The following MBOAT7 variants were observed in gnomAD, a reference collection of about 807,000 sequenced individuals.
The protein encoded by MBOAT7 is membrane bound acylglycerophosphatidylinositol O-acyltransferase MBOAT7.
Under a neutral mutation model 47.4 loss-of-function variants are expected in MBOAT7, and 40 were observed. The observed-to-expected ratio is 0.84, with a 90% CI of 0.66 to 1.10. The LOEUF is 1.10. Ranked by LOEUF, MBOAT7 falls within the 50% of genes least tolerant of loss-of-function variation. The pLI, the probability that MBOAT7 is intolerant of heterozygous loss-of-function variation, is 0.00. For missense variants in MBOAT7, 680 were observed against 655.6 expected (o/e 1.04, Z -0.41); for synonymous variants, 361 against 292.0 (o/e 1.24, Z -2.41).
Position 54,174,143 on chromosome 19 carries a change from G to T in MBOAT7, c.1320C>A (p.Ala440=), listed in dbSNP as rs756463106. The T allele has an allele frequency of 6.3e-7, 1 of 1,599,090 alleles. No individual in the cohort carries two copies. The highest frequency in any genetic ancestry group is 1.1e-5 in the South Asian group (1 of 89,602). The part of the protein sequence containing the change: ...YFCIHFLALA[A]LGLGLALGGG... ...CACCTAAAGCCAGCCCCAGCCCCAGGGCTGCCAGGGCCAGGAAGTGGATAC... is the reference window on the plus strand; with the variant it reads ...CACCTAAAGCCAGCCCCAGCCCCAGTGCTGCCAGGGCCAGGAAGTGGATAC... Residue 440 remains alanine, a synonymous_variant, in exon 8 of 8, where the codon GCC becomes GCA. Transcript: ENST00000245615.
At chr19:54,184,404 C>T (rs2076374702) in intron 4 of MBOAT7, among the ~76,000 whole-genome samples, 1 of 152,128 alleles carries the variant, frequency 6.6e-6, no homozygotes, top group African/African-American at 2.4e-5. Context: ...GTACTCTCCA[C>T]CCTTTCCCAC....
chr19:54,185,911 G>T (rs1230142113), intron 4 of MBOAT7, among the ~76,000 whole-genome samples: 2 of 151,938 alleles, frequency 1.3e-5, no homozygotes, highest in African/African-American at 4.8e-5. Context: ...GGCCAGGATG[G>T]TCTCAAACTC....
At position 54,178,865 on chromosome 19, in the gene MBOAT7, C is replaced by A; in HGVS notation, c.931G>T (p.Val311Leu). Residue 311 changes from valine (V) to leucine (L), a missense_variant, in exon 7 of 8, where the codon GTG becomes TTG. Val to Leu is a conservative substitution (Grantham distance 32, BLOSUM62 1). Coordinates refer to ENST00000245615, the MANE Select transcript of MBOAT7 (RefSeq NM_024298.5). ...NIDCYSTDFCVRVRDGMRYWN... is the reference protein window; with the variant it reads ...NIDCYSTDFCLRVRDGMRYWN... ...TACCGCATGCCATCGCGCACCCGCA[C>A]GCAGAAATCTGTGCTGTAGCAGTCG... 6.2e-7 allele frequency: 1 copy of A among 1,613,650 alleles called. No individual in the cohort carries two copies. Among genetic ancestry groups the A allele is most frequent in the Non-Finnish European group, 8.5e-7 (1 of 1,180,028 alleles).
rs1431828353 is a variant in MBOAT7, at chr19:54,173,981, G to C, written c.*63C>G. On this transcript the variant is annotated 3_prime_UTR_variant, in exon 8 of 8. Transcript: ENST00000245615. ...CCAAGGTAAGGACTCTTTCTGGGGA[G>C]GAGACAGCAGCCTGGTTCACAGAAT... The C allele has an allele frequency of 6.7e-7, 1 of 1,501,560 alleles. No homozygotes were observed. Among genetic ancestry groups the C allele is most frequent in the Non-Finnish European group, 8.9e-7 (1 of 1,125,974 alleles). 93.0% of individuals were successfully genotyped at this position (1,501,560 alleles called of 1,614,324 possible).
At chr19:54,188,373 C>G in intron 2 of MBOAT7, 27 bp from the exon 3 acceptor site, 1 of 1,608,490 alleles carries the variant, frequency 6.2e-7, no homozygotes, top group Non-Finnish European at 8.5e-7. Flanking sequence ...CAGCATAAGC[C>G]TGGAACCTTC....
Position 54,180,602 on chromosome 19 carries a change from T to G in MBOAT7, c.854+171A>C. The stretch of plus-strand genomic sequence containing the variant: ...GGCATCTGTCAGTACCAGGGATCTT[T>G]TCCCTACCGACAGGGGCTGGCAGGC... On this transcript the variant is annotated intron_variant, in intron 6 of 7. Transcript: ENST00000245615. The surrounding 1 kb of genome is among the most constrained non-coding windows in gnomAD (Gnocchi z 5.2). 1.6e-6 allele frequency: 1 copy of G among 635,114 alleles called. No individual in the cohort carries two copies. The highest frequency in any genetic ancestry group is 2.6e-6 in the Non-Finnish European group (1 of 378,216). The allele number at this position is 635,114 out of a possible 1,614,324, so 39.3% of individuals were successfully genotyped here. A position where few individuals can be genotyped will look rare whatever the true frequency, so the allele number is the denominator to read the frequency against.
Position 54,174,075 on chromosome 19 carries a change from C to T in MBOAT7, c.1388G>A (p.Ser463Asn). 1 of 1,605,702 alleles carries T rather than the reference C, an allele frequency of 6.2e-7. No individual in the cohort carries two copies. ...CTCCCGGAGCTTCTCCGGGGCAAGG[C>T]TGGTGGGCTGGGATGCTGCCTTCCG... ...SRRKAASQPT[S>N]LAPEKLREE is the part of the protein sequence containing the mutation. The change falls in exon 8 of 8, where the codon AGC (serine) becomes AAC (asparagine). Residue 463 changes from serine to asparagine, a missense_variant. Transcript: ENST00000245615.
At chr19:54,187,421 A>C in intron 3 of MBOAT7, 134 bp from the exon 4 acceptor site, 1 of 1,147,478 alleles carries the variant, frequency 8.7e-7, no homozygotes, top group Non-Finnish European at 1.2e-6. Context: ...AAGGGCAGAG[A>C]GGACAGGAGG....
At position 54,188,237 on chromosome 19, in the gene MBOAT7, G is replaced by C. The variant is rs2076509646; in HGVS notation, c.186C>G (p.Ala62=). The change falls in exon 3 of 8, where the codon GCC becomes GCG. Residue 62 remains alanine (A), a synonymous_variant. Coordinates refer to ENST00000245615, the MANE Select transcript of MBOAT7 (RefSeq NM_024298.5). ...HSLVTILGTW[A]LIQAQPCSCH... ...CTCACCAGGGCTGGGCCTGAATGAG[G>C]GCCCAGGTCCCGAGGATGGTGACCA... 3.1e-6 allele frequency: 5 copies of C among 1,613,156 alleles called. No homozygotes were observed. The highest frequency in any genetic ancestry group is 4.2e-6 in the Non-Finnish European group (5 of 1,179,578).
At position 54,188,242 on chromosome 19, in the gene MBOAT7, A is replaced by C; in HGVS notation, c.181T>G (p.Trp61Gly). 1 of 1,613,492 alleles carries C rather than the reference A, an allele frequency of 6.2e-7. No homozygotes were observed. Among genetic ancestry groups the C allele is most frequent in the Non-Finnish European group, 8.5e-7 (1 of 1,179,742 alleles). Residue 61 changes from tryptophan to glycine, a missense_variant, in exon 3 of 8, where the codon TGG (tryptophan) becomes GGG (glycine). By Grantham distance (184) the Trp-to-Gly change is radical. Coordinates refer to ENST00000245615, the MANE Select transcript of MBOAT7 (RefSeq NM_024298.5). The part of the protein sequence containing the change: ...LHSLVTILGT[W>G]ALIQAQPCSC... Reference sequence around the variant, plus strand: ...CAGGGCTGGGCCTGAATGAGGGCCCAGGTCCCGAGGATGGTGACCAGAGAA... The same window carrying C: ...CAGGGCTGGGCCTGAATGAGGGCCCCGGTCCCGAGGATGGTGACCAGAGAA...
rs2076196028 is a variant in MBOAT7, at chr19:54,179,021, C to T, written c.855-80G>A. 3.1e-5 allele frequency: 48 copies of T among 1,541,450 alleles called. No individual in the cohort carries two copies. In the South Asian group the frequency reaches 5.6e-4, roughly 18 times the overall value. ...TCCCGACGCCTGCTAGTGTCCCAGCCCCGGATGCTAAGGAAGGGATCCTGG... is the reference window on the plus strand; with the variant it reads ...TCCCGACGCCTGCTAGTGTCCCAGCTCCGGATGCTAAGGAAGGGATCCTGG... On this transcript the variant is annotated intron_variant, in intron 6 of 7. Coordinates refer to ENST00000245615, the MANE Select transcript of MBOAT7 (RefSeq NM_024298.5).
intron 7 of MBOAT7, among the ~76,000 whole-genome samples, chr19:54,175,121 G>A (rs989199607): frequency 6.6e-5 from 10 of 151,622 alleles, no homozygotes; most frequent in Non-Finnish European, 1.2e-4. Flanking sequence ...GACTACAGGC[G>A]CCTGCCACCA....
In MBOAT7 at chr19:54,188,365, G is replaced by C; in HGVS notation, c.77-19C>G. On this transcript the variant is annotated intron_variant, in intron 2 of 7. Transcript: ENST00000245615. ...CCAGGACCTGCAGGGGGAAGGGACAGCATAAGCCTGGAACCTTCCAGAGGG... is the reference window on the plus strand; with the variant it reads ...CCAGGACCTGCAGGGGGAAGGGACACCATAAGCCTGGAACCTTCCAGAGGG... The C allele has an allele frequency of 6.2e-7, 1 of 1,611,054 alleles. No homozygotes were observed. Among genetic ancestry groups the C allele is most frequent in the Non-Finnish European group, 8.5e-7 (1 of 1,178,490 alleles).
rs2076236116 is a variant in MBOAT7 at position 54,180,673 on chromosome 19, C to T, written c.854+100G>A. Reference sequence around the variant, plus strand: ...CACTCTGCTCAAAAAGGTGGTGGCCCTGGCCCCTTGCTCCCCGCTCTCCTC... The same window carrying T: ...CACTCTGCTCAAAAAGGTGGTGGCCTTGGCCCCTTGCTCCCCGCTCTCCTC... On this transcript the variant is annotated intron_variant, in intron 6 of 7. Transcript: ENST00000245615. This position sits in a 1 kb window ranked among gnomAD's most constrained non-coding sequence, Gnocchi z 5.2. The T allele has an allele frequency of 8.5e-7, 1 of 1,178,392 alleles. No individual in the cohort carries two copies. The highest frequency in any genetic ancestry group is 1.2e-6 in the Non-Finnish European group (1 of 868,068). The allele number at this position is 1,178,392 out of a possible 1,614,324, so 73.0% of individuals were successfully genotyped here. A position where few individuals can be genotyped will look rare whatever the true frequency, so the allele number is the denominator to read the frequency against.
Position 54,175,476 on chromosome 19 carries a change from A to G in MBOAT7, c.1032-1045T>C, listed in dbSNP as rs921215189. Among the ~76,000 whole-genome samples the G allele has an allele frequency of 1.8e-4, 27 of 152,146 alleles. 1 individual carries two copies. ...TTTGACAACTCCTGCCTGGCTCATG[A>G]AGATCCAGAAGTCCCTGGCCTGTGG... On this transcript the variant is annotated intron_variant, in intron 7 of 7. Coordinates refer to ENST00000245615, the MANE Select transcript of MBOAT7 (RefSeq NM_024298.5).
At chr19:54,182,244 GA>G (rs146890052) in intron 5 of MBOAT7, among the ~76,000 whole-genome samples, 144 of 145,244 alleles carry the variant, frequency 9.9e-4, no homozygotes, top group East Asian at 7.7e-3. Context: ...AAGATAAAAG[GA>G]AAAAAAAAAC....
chr19:54,179,157 C>A, intron 6 of MBOAT7: 1 of 599,884 alleles, frequency 1.7e-6, no homozygotes, highest in Non-Finnish European at 2.9e-6. Flanking sequence ...AGTCCACTGA[C>A]AATGGGGTTC....
rs2076233980 is a variant in MBOAT7, at chr19:54,180,595, G to C, written c.854+178C>G. ...AACAAGGGGCATCTGTCAGTACCAG[G>C]GATCTTTTCCCTACCGACAGGGGCT... is the stretch of plus-strand genomic sequence containing the variant. On this transcript the variant is annotated intron_variant, in intron 6 of 7. Transcript: ENST00000245615. This position sits in a 1 kb window ranked among gnomAD's most constrained non-coding sequence, Gnocchi z 5.2. 1.6e-6 allele frequency: 1 copy of C among 612,504 alleles called. No homozygotes were observed. The highest frequency in any genetic ancestry group is 2.8e-6 in the Non-Finnish European group (1 of 357,942). The allele number at this position is 612,504 out of a possible 1,614,324, so 37.9% of individuals were successfully genotyped here. A position where few individuals can be genotyped will look rare whatever the true frequency, so the allele number is the denominator to read the frequency against.
chr19:54,184,940 C>T (rs547444842), intron 4 of MBOAT7, among the ~76,000 whole-genome samples: 10 of 145,510 alleles, frequency 6.9e-5, no homozygotes, highest in African/African-American at 1.5e-4. Flanking sequence ...CCAGGTGTGA[C>T]GGCTCACACC....
Sources: gnomAD v4.1 joint callset for allele counts (sites outside exome capture counted in the v4.1 genomes callset) on GRCh38, gnomAD v4.1.1 for gene constraint, Gnocchi (gnomAD v3.1) non-coding constraint, MANE v1.5 for transcripts, NCBI Gene and HGNC (gene_info 2026-07-23, HGNC 2026-07-21) for gene names.